The following DLGAP2 variants were observed in gnomAD, a reference collection of about 807,000 sequenced individuals.
DLGAP2 encodes DLG associated protein 2, also known as disks large-associated protein 2.
Under a neutral mutation model 100.3 loss-of-function variants are expected in DLGAP2, and 26 were observed. That is an observed-to-expected ratio of 0.26 (90% CI 0.19 to 0.36). The LOEUF (loss-of-function observed/expected upper bound fraction) is 0.36, where lower values mean the gene tolerates loss of function less well. Among genes scored for constraint, DLGAP2 ranks in the 10% least tolerant of loss-of-function variants. DLGAP2 has a pLI of 1.00. For synonymous variants in DLGAP2, 886 were observed against 630.1 expected, an observed-to-expected ratio of 1.41 and a Z score of -6.08; for missense variants, 1,858 against 1,453.2, an observed-to-expected ratio of 1.28 and a Z score of -4.53.
chr8:1,482,532 G>C (rs538898357), intron 3 of DLGAP2, among the ~76,000 whole-genome samples: 1 of 152,372 alleles, frequency 6.6e-6, no homozygotes, highest in East Asian at 1.9e-4. Flanking sequence ...TAGTCCTGCA[G>C]AGGACCTTGT....
intron 8 of DLGAP2, among the ~76,000 whole-genome samples, chr8:1,649,500 C>G (rs10503167): frequency 0.12 from 18,343 of 152,110 alleles, 1,513 homozygotes; most frequent in African/African-American, 0.24. Context: ...ATCTTTGAAC[C>G]CTTTTTCAAA....
At chr8:1,125,311 T>C (rs1418325777) in intron 2 of DLGAP2, among the ~76,000 whole-genome samples, 1 of 152,238 alleles carries the variant, frequency 6.6e-6, no homozygotes, top group East Asian at 1.9e-4. Flanking sequence ...GTTAGAGCTT[T>C]GGAATCGAAA....
intron 2 of DLGAP2, among the ~76,000 whole-genome samples, chr8:1,208,469 G>C (rs1172537952): frequency 2.0e-5 from 3 of 152,138 alleles, no homozygotes; most frequent in Non-Finnish European, 4.4e-5. Flanking sequence ...GCATAGAAGG[G>C]ACATACTTTA....
chr8:928,434 C>G (rs974719805), intron 2 of DLGAP2, among the ~76,000 whole-genome samples: 4 of 152,048 alleles, frequency 2.6e-5, no homozygotes, highest in African/African-American at 9.7e-5. Context: ...TTAGTGTATC[C>G]CAGGCTTCAT....
chr8:1,053,311 T>C (rs1802777458), intron 2 of DLGAP2, among the ~76,000 whole-genome samples: 2 of 152,128 alleles, frequency 1.3e-5, no homozygotes, highest in South Asian at 4.1e-4. Flanking sequence ...GCCTTCTTCA[T>C]AAGATGGTTA....
intron 2 of DLGAP2, among the ~76,000 whole-genome samples, chr8:1,256,735 A>G (rs1260475108): frequency 6.6e-6 from 1 of 152,132 alleles, no homozygotes; most frequent in Non-Finnish European, 1.5e-5. Flanking sequence ...CCTTCTCCCC[A>G]CTTTCTGCAG....
At chr8:1,434,248 G>T (rs557148077) in intron 3 of DLGAP2, among the ~76,000 whole-genome samples, 2 of 152,218 alleles carry the variant, frequency 1.3e-5, no homozygotes, top group South Asian at 2.1e-4. Flanking sequence ...AGGAAATCTC[G>T]TTCCGTTTTC....
intron 1 of DLGAP2, among the ~76,000 whole-genome samples, chr8:754,981 C>G (rs1395949467): frequency 2.0e-5 from 3 of 152,186 alleles, no homozygotes; most frequent in Non-Finnish European, 4.4e-5. Flanking sequence ...GAAGCTTGCT[C>G]ACAATATGGT....
intron 1 of DLGAP2, among the ~76,000 whole-genome samples, chr8:802,850 T>A (rs1449135341): frequency 6.6e-6 from 1 of 152,090 alleles, no homozygotes; most frequent in Non-Finnish European, 1.5e-5. Flanking sequence ...GGGAGCGAAC[T>A]CGTTTGCAGC....
chr8:856,390 G>A (rs988298572), intron 1 of DLGAP2, among the ~76,000 whole-genome samples: 1 of 152,024 alleles, frequency 6.6e-6, no homozygotes, highest in East Asian at 1.9e-4. Flanking sequence ...ATTTCTCCGT[G>A]TTGGTCAGGC....
chr8:1,437,323 G>A (rs1342057425), intron 3 of DLGAP2, among the ~76,000 whole-genome samples: 1 of 152,222 alleles, frequency 6.6e-6, no homozygotes, highest in Non-Finnish European at 1.5e-5. Flanking sequence ...GTATCAGTGC[G>A]CTCCACAATG....
intron 3 of DLGAP2, among the ~76,000 whole-genome samples, chr8:1,457,200 T>C (rs926346529): frequency 1.3e-5 from 2 of 152,208 alleles, no homozygotes; most frequent in African/African-American, 4.8e-5. Flanking sequence ...TTCATCCCAT[T>C]TTATTTGTTT....
chr8:1,117,404 G>C (rs1039797452), intron 2 of DLGAP2, among the ~76,000 whole-genome samples: 1 of 152,244 alleles, frequency 6.6e-6, no homozygotes, highest in African/African-American at 2.4e-5. Flanking sequence ...GAAATGTGTA[G>C]TGGGTTATGG....
chr8:1,210,434 T>C (rs1257913946), intron 2 of DLGAP2, among the ~76,000 whole-genome samples: 2 of 152,202 alleles, frequency 1.3e-5, no homozygotes, highest in Non-Finnish European at 2.9e-5. Flanking sequence ...AGAGTTTCCA[T>C]GTTCATTCAA....
At chr8:1,319,899 A>G (rs1384095742) in intron 3 of DLGAP2, among the ~76,000 whole-genome samples, 2 of 152,142 alleles carry the variant, frequency 1.3e-5, no homozygotes, top group East Asian at 3.9e-4. Flanking sequence ...GAGGGAAGAG[A>G]CGGGGACGAT....
intron 3 of DLGAP2, among the ~76,000 whole-genome samples, chr8:1,343,541 C>G (rs551723029): frequency 6.6e-6 from 1 of 152,312 alleles, no homozygotes; most frequent in South Asian, 2.1e-4. Flanking sequence ...AGGCTGGAAG[C>G]CCCAAAGGCC....
At chr8:1,647,980 C>A (rs1420513868) in intron 8 of DLGAP2, among the ~76,000 whole-genome samples, 1 of 152,216 alleles carries the variant, frequency 6.6e-6, no homozygotes, top group African/African-American at 2.4e-5. Flanking sequence ...AGACAATCCA[C>A]AAACCCACGG....
At chr8:1,588,027 G>A (rs1487206470) in intron 6 of DLGAP2, among the ~76,000 whole-genome samples, 9 of 152,076 alleles carry the variant, frequency 5.9e-5, no homozygotes, top group African/African-American at 2.4e-5. Flanking sequence ...AGTTCATCAC[G>A]TGACTCCTAA....
intron 2 of DLGAP2, among the ~76,000 whole-genome samples, chr8:1,189,388 C>G (rs1214468531): frequency 6.6e-6 from 1 of 152,210 alleles, no homozygotes. Context: ...AACATTAAGA[C>G]ACTGAACCAT....
Sources: gnomAD v4.1 joint callset for allele counts (sites outside exome capture counted in the v4.1 genomes callset) on GRCh38, gnomAD v4.1.1 for gene constraint, MANE v1.5 for transcripts, NCBI Gene and HGNC (gene_info 2026-07-23, HGNC 2026-07-21) for gene names.